GOLM2: variants seen among roughly 807,000 people sequenced by gnomAD.
The protein encoded by GOLM2 is golgi membrane protein 2.
In GOLM2, 26 loss-of-function variants were observed where a neutral mutation model predicts 55.9. The ratio of observed to expected loss-of-function variants is 0.47; its 90% CI spans 0.34 to 0.65. The LOEUF is 0.65. GOLM2 is among the 30% of genes least tolerant of loss of function. The pLI, the probability that GOLM2 is intolerant of heterozygous loss-of-function variation, is 0.01. For synonymous variants in GOLM2, 165 were observed against 194.6 expected, an observed-to-expected ratio of 0.85 and a Z score of 1.27; for missense variants, 486 against 531.8, an observed-to-expected ratio of 0.91 and a Z score of 0.85.
chr15:44,337,781 C>G lies in GOLM2; in HGVS notation c.595C>G (p.Gln199Glu). The G allele has an allele frequency of 6.3e-7, 1 of 1,579,100 alleles. No individual in the cohort carries two copies. The change falls in exon 5 of 10, where the codon CAA (glutamine) becomes GAA (glutamate). Residue 199 changes from glutamine to glutamate, a missense_variant. Coordinates refer to ENST00000299957, the MANE Select transcript of GOLM2 (RefSeq NM_138423.4). ...CTAACAGCAAGAGACCCAAAAGATT[C>G]AATCAAATGATGGAAAGGAATTGGA... is the stretch of plus-strand genomic sequence containing the variant. Reference protein sequence around the residue: ...EEQKQETQKIQSNDGKELDIN... With the variant: ...EEQKQETQKIESNDGKELDIN...
intron 6 of GOLM2, among the ~76,000 whole-genome samples, chr15:44,364,353 A>G (rs1298616406): frequency 6.7e-6 from 1 of 148,946 alleles, no homozygotes; most frequent in Non-Finnish European, 1.5e-5. Flanking sequence ...ACAAAACCCC[A>G]TCTCTACCCA....
intron 6 of GOLM2, among the ~76,000 whole-genome samples, chr15:44,339,896 T>C (rs1239573334): frequency 6.6e-6 from 1 of 152,116 alleles, no homozygotes; most frequent in African/African-American, 2.4e-5. Context: ...CACAGCTCAC[T>C]GCAGCCTCGA....
At position 44,330,766 on chromosome 15, in the gene GOLM2, G is replaced by C. The variant is rs185213586; in HGVS notation, c.486-1222G>C. On this transcript the variant is annotated intron_variant, in intron 3 of 9. Transcript: ENST00000299957. ...AAAAATAAAGATTTCCCCTCCCCTT[G>C]TTATTTCAGTAGTATATTTTCTCAA... Among the ~76,000 whole-genome samples, 50 of 152,040 alleles carry C rather than the reference G, an allele frequency of 3.3e-4. No individual in the cohort carries two copies. The East Asian group carries it at 9.5e-3, about 29-fold the overall frequency.
intron 8 of GOLM2, among the ~76,000 whole-genome samples, chr15:44,397,703 GTT>G (rs2079537176): frequency 6.6e-6 from 1 of 151,934 alleles, no homozygotes; most frequent in Middle Eastern, 3.4e-3. Context: ...AAATTTATGA[GTT>G]TTAAATCTAC....
chr15:44,299,407 T>A (rs1391409312), intron 1 of GOLM2, among the ~76,000 whole-genome samples: 1 of 151,888 alleles, frequency 6.6e-6, no homozygotes, highest in East Asian at 1.9e-4. Context: ...GTTCTCCTGC[T>A]TCTTCCTTCC....
At chr15:44,399,230 C>T (rs767379873) in intron 8 of GOLM2, among the ~76,000 whole-genome samples, 30 of 152,054 alleles carry the variant, frequency 2.0e-4, no homozygotes, top group Non-Finnish European at 3.1e-4. Flanking sequence ...TTTGTCTGTA[C>T]CGTTATATTC....
intron 8 of GOLM2, chr15:44,387,397 G>A (rs946791120): frequency 6.6e-6 from 1 of 152,076 alleles, no homozygotes; most frequent in African/African-American, 2.4e-5. Flanking sequence ...GCATTTTATT[G>A]TTTTGATGTC....
chr15:44,371,346 G>C (rs1436357391), intron 6 of GOLM2, among the ~76,000 whole-genome samples: 1 of 152,158 alleles, frequency 6.6e-6, no homozygotes, highest in Admixed American at 6.5e-5. Flanking sequence ...TGGTTAGTAT[G>C]TCATTGCTAG....
At chr15:44,328,322 A>G (rs1240948009) in intron 2 of GOLM2, among the ~76,000 whole-genome samples, 4 of 152,198 alleles carry the variant, frequency 2.6e-5, no homozygotes, top group Non-Finnish European at 4.4e-5. Flanking sequence ...TACTAAAAAT[A>G]CAAAAATTAG....
intron 8 of GOLM2, among the ~76,000 whole-genome samples, chr15:44,387,769 A>G (rs1299282243): frequency 6.6e-6 from 1 of 151,968 alleles, no homozygotes; most frequent in African/African-American, 2.4e-5. Context: ...TCAAGGAAAA[A>G]AAAAAAAAGA....
intron 8 of GOLM2, among the ~76,000 whole-genome samples, chr15:44,400,603 G>C (rs1357875854): frequency 1.9e-5 from 1 of 51,482 alleles, no homozygotes; most frequent in Non-Finnish European, 3.6e-5. Context: ...TTTTTTTTTA[G>C]TCTTGCTCTG....
intron 6 of GOLM2, among the ~76,000 whole-genome samples, chr15:44,373,318 G>A (rs1315993401): frequency 2.6e-5 from 4 of 151,716 alleles, no homozygotes; most frequent in Non-Finnish European, 5.9e-5. Context: ...TTAGCCGGGC[G>A]CAGTGGCGGG....
At chr15:44,371,135 C>A (rs1283980014) in intron 6 of GOLM2, among the ~76,000 whole-genome samples, 2 of 152,188 alleles carry the variant, frequency 1.3e-5, no homozygotes, top group East Asian at 3.8e-4. Context: ...CTGTAATATC[C>A]TTTCCTGCAA....
chr15:44,413,511 G>C lies in GOLM2; in HGVS notation c.*105G>C. 1 of 773,064 alleles carries C rather than the reference G, an allele frequency of 1.3e-6. No homozygotes were observed. Among genetic ancestry groups the C allele is most frequent in the Non-Finnish European group, 2.1e-6 (1 of 466,806 alleles). 47.9% of individuals were successfully genotyped at this position (773,064 alleles called of 1,614,324 possible). ...AAAGACGAATTGTATCAGTTGTAAA[G>C]ATACATTGAGATAGAATTAAGGAAA... On this transcript the variant is annotated 3_prime_UTR_variant, in exon 10 of 10. Transcript: ENST00000299957.
chr15:44,317,518 T>A (rs1327248979), intron 1 of GOLM2, among the ~76,000 whole-genome samples: 1 of 152,242 alleles, frequency 6.6e-6, no homozygotes, highest in Non-Finnish European at 1.5e-5. Context: ...AAATACAGGC[T>A]AATTGGAAGT....
At chr15:44,369,208 G>A (rs867674930) in intron 6 of GOLM2, among the ~76,000 whole-genome samples, 47 of 97,262 alleles carry the variant, frequency 4.8e-4, no homozygotes, top group Admixed American at 3.5e-3. Context: ...ATATATATAT[G>A]TGTGTGTGTG....
chr15:44,362,033 G>T (rs951648880), intron 6 of GOLM2, among the ~76,000 whole-genome samples: 3 of 152,112 alleles, frequency 2.0e-5, no homozygotes, highest in Non-Finnish European at 2.9e-5. Flanking sequence ...AGGTATTGAT[G>T]GAACATATCT....
intron 1 of GOLM2, among the ~76,000 whole-genome samples, chr15:44,318,300 CT>C (rs2078925304): frequency 6.6e-6 from 1 of 152,242 alleles, no homozygotes; most frequent in South Asian, 2.1e-4. Flanking sequence ...TTGCCCACCT[CT>C]GACTTAGACC....
chr15:44,295,173 G>A (rs750105807), intron 1 of GOLM2, among the ~76,000 whole-genome samples: 151 of 151,658 alleles, frequency 1.0e-3, no homozygotes, highest in Non-Finnish European at 1.3e-3. Context: ...TCCACCCGCC[G>A]GGCTGAAGTG....
Sources: allele counts gnomAD v4.1 joint callset (sites outside exome capture counted in the v4.1 genomes callset), GRCh38; gene constraint gnomAD v4.1.1; transcripts MANE v1.5; gene names NCBI Gene and HGNC (gene_info 2026-07-23, HGNC 2026-07-21).